WWOX: variants seen among roughly 807,000 people sequenced by gnomAD.
WWOX encodes WW domain containing oxidoreductase.
WWOX carries 69 observed loss-of-function variants against 46.2 expected under a neutral mutation model. The observed-to-expected ratio is 1.49, with a 90% CI of 1.23 to 1.82. The LOEUF (loss-of-function observed/expected upper bound fraction) is 1.82. Among genes scored for constraint, WWOX ranks in the 40% most tolerant of loss-of-function variants. WWOX has a pLI of 0.00. For synonymous variants in WWOX, 359 were observed against 202.6 expected, an observed-to-expected ratio of 1.77 and a Z score of -6.56; for missense variants, 919 against 542.6, an observed-to-expected ratio of 1.69 and a Z score of -6.89.
intron 5 of WWOX, among the ~76,000 whole-genome samples, chr16:78,289,807 G>A (rs1597447642): frequency 6.6e-6 from 1 of 152,154 alleles, no homozygotes; most frequent in African/African-American, 2.4e-5. Context: ...AATAATATGG[G>A]CTGTAGAGAG....
At chr16:78,564,931 C>T (rs1411214438) in intron 8 of WWOX, among the ~76,000 whole-genome samples, 2 of 152,130 alleles carry the variant, frequency 1.3e-5, no homozygotes, top group Non-Finnish European at 2.9e-5. Flanking sequence ...TCCATGCCAT[C>T]TGAAATCCTC....
intron 8 of WWOX, among the ~76,000 whole-genome samples, chr16:78,534,717 TCA>T (rs775550218): frequency 0.014 from 2,115 of 152,120 alleles, 21 homozygotes; most frequent in African/African-American, 0.027. Flanking sequence ...TTTTTTTATT[TCA>T]TTTTATTTTT....
At chr16:78,975,000 C>T (rs2046543441) in intron 8 of WWOX, among the ~76,000 whole-genome samples, 1 of 152,148 alleles carries the variant, frequency 6.6e-6, no homozygotes, top group Admixed American at 6.5e-5. Flanking sequence ...CTCCCCAGCC[C>T]CTCTTCTCTC....
intron 8 of WWOX, among the ~76,000 whole-genome samples, chr16:78,482,132 A>G (rs970201695): frequency 2.0e-5 from 3 of 152,204 alleles, no homozygotes; most frequent in Admixed American, 1.3e-4. Flanking sequence ...GGTGGGTCAG[A>G]TGGCTTCATG....
chr16:78,207,459 T>G (rs12447896), intron 5 of WWOX, among the ~76,000 whole-genome samples: 1 of 151,572 alleles, frequency 6.6e-6, no homozygotes, highest in African/African-American at 2.4e-5. Context: ...GGCTTGTCTT[T>G]TTACATCTTT....
chr16:78,415,509 C>T (rs1346878673), intron 6 of WWOX, among the ~76,000 whole-genome samples: 23 of 152,146 alleles, frequency 1.5e-4, no homozygotes, highest in African/African-American at 2.4e-5. Context: ...TTATTTTACC[C>T]AGCCCCTATT....
chr16:78,654,254 T>C (rs1245320790), intron 8 of WWOX, among the ~76,000 whole-genome samples: 1 of 152,218 alleles, frequency 6.6e-6, no homozygotes, highest in Admixed American at 6.5e-5. Context: ...AGATTCTTTA[T>C]TGGTAAATGA....
chr16:78,384,155 T>G (rs2082012860), intron 5 of WWOX, among the ~76,000 whole-genome samples: 1 of 152,166 alleles, frequency 6.6e-6, no homozygotes, highest in African/African-American at 2.4e-5. Flanking sequence ...GCATATCCCT[T>G]GGGGTTTCCA....
chr16:78,301,002 A>G (rs12597480), intron 5 of WWOX, among the ~76,000 whole-genome samples: 35,096 of 151,322 alleles, frequency 0.23, 4,355 homozygotes, highest in South Asian at 0.46. Context: ...CCACCCATCC[A>G]TCCATCCATC....
At chr16:78,223,803 G>C (rs376639426) in intron 5 of WWOX, among the ~76,000 whole-genome samples, 1 of 152,106 alleles carries the variant, frequency 6.6e-6, no homozygotes, top group Admixed American at 6.5e-5. Flanking sequence ...TAATGGCGGA[G>C]TTTCCAAAAC....
chr16:78,223,930 T>A, intron 5 of WWOX, among the ~76,000 whole-genome samples: 1 of 152,252 alleles, frequency 6.6e-6, no homozygotes, highest in Admixed American at 6.5e-5. Context: ...GAGGCCCAGA[T>A]GGAGTAAGTG....
intron 6 of WWOX, among the ~76,000 whole-genome samples, chr16:78,405,485 G>C (rs992418384): frequency 1.3e-5 from 2 of 152,134 alleles, no homozygotes; most frequent in African/African-American, 2.4e-5. Context: ...AGCTGATACT[G>C]ATTTTATATG....
chr16:78,924,631 A>G (rs1187424215), intron 8 of WWOX, among the ~76,000 whole-genome samples: 1 of 152,232 alleles, frequency 6.6e-6, no homozygotes, highest in Admixed American at 6.5e-5. Flanking sequence ...GACTGTTTAG[A>G]AAGTGTTAAT....
chr16:78,633,341 G>C (rs188492777), intron 8 of WWOX, among the ~76,000 whole-genome samples: 2 of 152,088 alleles, frequency 1.3e-5, no homozygotes, highest in Non-Finnish European at 2.9e-5. Context: ...CAACTAGGTC[G>C]GGACAGGGCA....
chr16:79,116,070 A>G (rs929656936), intron 8 of WWOX, among the ~76,000 whole-genome samples: 2 of 152,228 alleles, frequency 1.3e-5, no homozygotes, highest in African/African-American at 4.8e-5. Context: ...TAAGAAAACA[A>G]TGTACATACC....
chr16:78,561,457 A>G (rs1372578813), intron 8 of WWOX, among the ~76,000 whole-genome samples: 1 of 152,200 alleles, frequency 6.6e-6, no homozygotes, highest in Non-Finnish European at 1.5e-5. Flanking sequence ...CTTAATTAAC[A>G]CTGGCAAAAT....
At position 79,012,304 on chromosome 16, in the gene WWOX, C is replaced by T. The variant is rs150986692; in HGVS notation, c.1057-199304C>T. 5.1e-3 allele frequency among the ~76,000 whole-genome samples: 769 copies of T among 152,170 alleles called. 19 individuals carry two copies. The South Asian group carries it at 0.08, about 16-fold the overall frequency. On this transcript the variant is annotated intron_variant, in intron 8 of 8. Transcript: ENST00000566780. ...CTAGAGTGCAGTGGTGCAATCTCGACTCACTGCAACCTACACTTCCTGGAT... is the reference window on the plus strand; with the variant it reads ...CTAGAGTGCAGTGGTGCAATCTCGATTCACTGCAACCTACACTTCCTGGAT...
intron 5 of WWOX, among the ~76,000 whole-genome samples, chr16:78,186,264 C>T (rs1186422012): frequency 1.3e-5 from 2 of 149,754 alleles, no homozygotes; most frequent in Non-Finnish European, 3.0e-5. Context: ...GACACGGCTC[C>T]TGGAAAGGTT....
chr16:78,973,035 G>A (rs2046502742), intron 8 of WWOX, among the ~76,000 whole-genome samples: 1 of 152,166 alleles, frequency 6.6e-6, no homozygotes, highest in African/African-American at 2.4e-5. Flanking sequence ...CCTGCAGTTG[G>A]GACTCAGCTG....
Sources: allele counts gnomAD v4.1 joint callset (sites outside exome capture counted in the v4.1 genomes callset), GRCh38; gene constraint gnomAD v4.1.1; transcripts MANE v1.5; gene names NCBI Gene and HGNC (gene_info 2026-07-23, HGNC 2026-07-21).